Variants in SMARCA2 observed in about 807,000 individuals in gnomAD.
SMARCA2 encodes SWI/SNF-related matrix-associated actin-dependent regulator of chromatin subfamily A member 2.
A neutral mutation model predicts 199.8 loss-of-function variants in SMARCA2; 61 were observed. That is an observed-to-expected ratio of 0.31 (90% CI 0.25 to 0.38). The LOEUF (loss-of-function observed/expected upper bound fraction) is 0.38. Among genes scored for constraint, SMARCA2 ranks in the 10% least tolerant of loss-of-function variants. The probability of loss-of-function intolerance (pLI) is 1.00; values close to 1 mark genes in which losing one functional copy is unlikely to be tolerated. For synonymous variants in SMARCA2, 935 were observed against 732.0 expected (o/e 1.28, Z -4.48); for missense variants, 1,344 against 2,012.2 (o/e 0.67, Z 6.35).
In SMARCA2 at chr9:2,141,571, T is replaced by G. The variant is rs145389344; in HGVS notation, c.3981+17634T>G. ...ACTCTCAAAGCTAAAATAAGAAGAT[T>G]GTGTAGTTACTAGTTAAAATAAAGG... On this transcript the variant is annotated intron_variant, in intron 27 of 33. Transcript: ENST00000349721. Among the ~76,000 whole-genome samples, 31 of 152,270 alleles carry G rather than the reference T, an allele frequency of 2.0e-4. No individual in the cohort carries two copies. In the East Asian group the frequency reaches 3.9e-3, roughly 19 times the overall value.
Position 2,119,060 on chromosome 9 carries a change from A to T in SMARCA2, c.3685-398A>T, listed in dbSNP as rs1289417520. Among the ~76,000 whole-genome samples the T allele has an allele frequency of 1.3e-5, 2 of 152,352 alleles. No individual in the cohort carries two copies. Among genetic ancestry groups the T allele is most frequent in the African/African-American group, 4.8e-5 (2 of 41,580 alleles). The stretch of plus-strand genomic sequence containing the variant: ...TATTTGGCATAAGGTAAATGGAATT[A>T]AAAGAATTAATGTTAGGTACTTTTT... On this transcript the variant is annotated intron_variant, in intron 25 of 33. Transcript: ENST00000349721. This position sits in a 1 kb window ranked among gnomAD's most constrained non-coding sequence, Gnocchi z 4.6.
In SMARCA2 at chr9:2,153,740, G is replaced by C. The variant is rs925913093; in HGVS notation, c.3982-7946G>C. ...AAAGTTGTGGAACAGTAATCCCATT[G>C]ACTATTAAAATGACTTGTGCACTTT... On this transcript the variant is annotated intron_variant, in intron 27 of 33. Coordinates refer to ENST00000349721, the MANE Select transcript of SMARCA2 (RefSeq NM_003070.5). 9.9e-5 allele frequency among the ~76,000 whole-genome samples: 15 copies of C among 151,916 alleles called. 1 individual carries two copies. Among genetic ancestry groups the C allele is most frequent in the African/African-American group, 3.6e-4 (15 of 41,316 alleles).
At chr9:2,061,808 T>C (rs570718077) in intron 9 of SMARCA2, among the ~76,000 whole-genome samples, 26 of 152,340 alleles carry the variant, frequency 1.7e-4, no homozygotes, top group African/African-American at 6.3e-4. Flanking sequence ...AACAAAATGC[T>C]TTTCAAAAAA....
chr9:2,039,808 A>AGCAGCAGCAAGAGCAGCC lies in SMARCA2; in HGVS notation c.708_709insGAGCAGCCGCAGCAGCAA (p.Gln236_Gln237insGluGlnProGlnGlnGln). 6.2e-7 allele frequency: 1 copy of AGCAGCAGCAAGAGCAGCC among 1,608,188 alleles called. No homozygotes were observed. The highest frequency in any genetic ancestry group is 8.5e-7 in the Non-Finnish European group (1 of 1,177,142). ...CAGCAGCAGCAGCAGCAGCAGCAGC[A>AGCAGCAGCAAGAGCAGCC]GCAGCAGCAACAGCAGCCGCAGCAG... On this transcript the variant is annotated inframe_insertion, in exon 4 of 34. Coordinates refer to ENST00000349721, the MANE Select transcript of SMARCA2 (RefSeq NM_003070.5). This position sits in a 1 kb window ranked among gnomAD's most constrained non-coding sequence, Gnocchi z 4.8.
At chr9:2,051,751 C>T (rs1209723123) in intron 5 of SMARCA2, among the ~76,000 whole-genome samples, 1 of 152,176 alleles carries the variant, frequency 6.6e-6, no homozygotes, top group East Asian at 1.9e-4. Context: ...GCCATGGGCT[C>T]ACGCCACTAT....
At chr9:2,148,966 G>A (rs7040968) in intron 27 of SMARCA2, among the ~76,000 whole-genome samples, 110,851 of 151,264 alleles carry the variant, frequency 0.73, 41,952 homozygotes, top group African/African-American at 0.84. Context: ...CCAGCAAAAC[G>A]GCTAGTCCTG....
At position 2,170,462 on chromosome 9, in the gene SMARCA2, G is replaced by T. The variant is rs1197918672; in HGVS notation, c.4243G>T (p.Glu1415Ter). The change falls in exon 29 of 34, where the codon GAA (glutamate) becomes TAA (stop). Residue 1415 changes from glutamate (E) to a stop codon, truncating the protein, a stop_gained. Transcript: ENST00000349721. LOFTEE classifies it high-confidence loss of function. This position sits in a 1 kb window ranked among gnomAD's most constrained non-coding sequence, Gnocchi z 4.7. ...KVPSNSQLEIEGNSSGRQLSE... is the reference protein window; with the variant it reads ...KVPSNSQLEI Reference sequence around the variant, plus strand: ...GCCCAGTAATTCTCAGTTGGAAATAGAAGGAAACAGGTCAGGATCTGTCTT... The same window carrying T: ...GCCCAGTAATTCTCAGTTGGAAATATAAGGAAACAGGTCAGGATCTGTCTT... 6.2e-7 allele frequency: 1 copy of T among 1,614,116 alleles called. No individual in the cohort carries two copies. The highest frequency in any genetic ancestry group is 8.5e-7 in the Non-Finnish European group (1 of 1,179,990).
In SMARCA2 at chr9:2,169,097, T is replaced by G. The variant is rs908664771; in HGVS notation, c.4200-1322T>G. ...GAAATAATGAAGACTTTCCCAATTC[T>G]GTGCCTTATTGCTGACACTCAGAGT... On this transcript the variant is annotated intron_variant, in intron 28 of 33. Transcript: ENST00000349721. This position sits in a 1 kb window ranked among gnomAD's most constrained non-coding sequence, Gnocchi z 6.5. Among the ~76,000 whole-genome samples, 1 of 152,220 alleles carries G rather than the reference T, an allele frequency of 6.6e-6. No homozygotes were observed. The highest frequency in any genetic ancestry group is 1.5e-5 in the Non-Finnish European group (1 of 68,046).
In SMARCA2 at chr9:2,056,209, T is replaced by A. The variant is rs1820347367; in HGVS notation, c.1174-463T>A. On this transcript the variant is annotated intron_variant, in intron 6 of 33. Transcript: ENST00000349721. The surrounding 1 kb of genome is among the most constrained non-coding windows in gnomAD (Gnocchi z 4.0). ...TGTATGAGACTATGAATTAACGTTG[T>A]TTGAGTACCTGCTGCTACCACACGT... Among the ~76,000 whole-genome samples the A allele has an allele frequency of 6.6e-6, 1 of 152,256 alleles. No individual in the cohort carries two copies. The highest frequency in any genetic ancestry group is 2.1e-4 in the South Asian group (1 of 4,834).
intron 9 of SMARCA2, among the ~76,000 whole-genome samples, chr9:2,066,590 A>C (rs1820846998): frequency 6.6e-6 from 1 of 152,216 alleles, no homozygotes; most frequent in South Asian, 2.1e-4. Flanking sequence ...GATTAGGTTA[A>C]TTATACTCCT....
At chr9:2,028,110 T>C (rs1251233135) in intron 1 of SMARCA2, among the ~76,000 whole-genome samples, 1 of 149,132 alleles carries the variant, frequency 6.7e-6, no homozygotes, top group Non-Finnish European at 1.5e-5. Context: ...TGTGGTGAGC[T>C]CTGATCCAGT....
intron 9 of SMARCA2, among the ~76,000 whole-genome samples, chr9:2,068,567 A>G (rs1820945537): frequency 1.3e-5 from 2 of 152,228 alleles, no homozygotes; most frequent in Admixed American, 6.5e-5. Context: ...AGTTATTTTC[A>G]TAGAAGGCAA....
intron 1 of SMARCA2, among the ~76,000 whole-genome samples, chr9:2,024,509 A>T (rs1818742191): frequency 6.6e-6 from 1 of 152,090 alleles, no homozygotes; most frequent in Non-Finnish European, 1.5e-5. Flanking sequence ...AACATCATCG[A>T]CCTTTTCAGT....
intron 15 of SMARCA2, among the ~76,000 whole-genome samples, chr9:2,082,343 G>GTT (rs1300507793): frequency 6.7e-4 from 99 of 147,812 alleles, no homozygotes; most frequent in African/African-American, 2.5e-3. Context: ...GTGTGTGTGT[G>GTT]TGTGTGTGAT....
chr9:2,123,988 G>T lies in SMARCA2; in HGVS notation c.3981+51G>T. ...CTCACTAGGTGGAGGGTTTTTGGTG[G>T]CTTGGAGAAACCAGGGGCCTAGAGC... On this transcript the variant is annotated intron_variant, in intron 27 of 33. Coordinates refer to ENST00000349721, the MANE Select transcript of SMARCA2 (RefSeq NM_003070.5). This position sits in a 1 kb window ranked among gnomAD's most constrained non-coding sequence, Gnocchi z 4.1. 6.9e-7 allele frequency: 1 copy of T among 1,458,298 alleles called. No homozygotes were observed. The highest frequency in any genetic ancestry group is 9.4e-7 in the Non-Finnish European group (1 of 1,063,936). 90.3% of individuals were successfully genotyped at this position (1,458,298 alleles called of 1,614,324 possible). A position where few individuals can be genotyped will look rare whatever the true frequency, so the allele number is the denominator to read the frequency against.
intron 27 of SMARCA2, among the ~76,000 whole-genome samples, chr9:2,127,436 T>C (rs968477969): frequency 6.6e-6 from 1 of 152,190 alleles, no homozygotes; most frequent in Non-Finnish European, 1.5e-5. Context: ...CAGAAGTTGA[T>C]TTCTCCCTTC....
At chr9:2,048,588 T>TA (rs1424078838) in intron 5 of SMARCA2, among the ~76,000 whole-genome samples, 3 of 152,234 alleles carry the variant, frequency 2.0e-5, no homozygotes, top group African/African-American at 7.2e-5. Context: ...ACTCATTTCT[T>TA]ATCAGACTAA....
chr9:2,113,257 T>G (rs187749168), intron 24 of SMARCA2, among the ~76,000 whole-genome samples: 2 of 148,166 alleles, frequency 1.3e-5, no homozygotes, highest in East Asian at 1.9e-4. Context: ...GATTGTGGAA[T>G]TAACAAAAAA....
intron 16 of SMARCA2, among the ~76,000 whole-genome samples, chr9:2,083,812 G>A (rs141245241): frequency 1.8e-4 from 27 of 152,326 alleles, no homozygotes; most frequent in African/African-American, 6.3e-4. Flanking sequence ...CAGCAGAGCG[G>A]TGGGTTCTCT....
Sources: allele counts gnomAD v4.1 joint callset (sites outside exome capture counted in the v4.1 genomes callset), GRCh38; gene constraint gnomAD v4.1.1; non-coding constraint Gnocchi (gnomAD v3.1); transcripts MANE v1.5; gene names NCBI Gene and HGNC (gene_info 2026-07-23, HGNC 2026-07-21).